Variants in MYOF observed in about 807,000 individuals in gnomAD.
The protein encoded by MYOF is fer-1-like 3, myoferlin.
A neutral mutation model predicts 284.2 loss-of-function variants in MYOF; 244 were observed. The observed-to-expected ratio is 0.86, with a 90% CI of 0.77 to 0.95. The LOEUF is 0.95. MYOF is among the 40% of genes least tolerant of loss of function. The pLI is 0.00. For synonymous variants in MYOF, 904 were observed against 919.7 expected (o/e 0.98, Z 0.31); for missense variants, 2,496 against 2,560.6 (o/e 0.97, Z 0.54).
At chr10:93,333,629 A>T in intron 42 of MYOF, 129 bp downstream of exon 42, 2 of 1,267,526 alleles carry the variant, frequency 1.6e-6, no homozygotes, top group Non-Finnish European at 2.2e-6. Context: ...TCCTGAATAC[A>T]TTGTTTTGAT....
At chr10:93,329,580 G>A in intron 44 of MYOF, 84 bp downstream of exon 44, 4 of 1,406,764 alleles carry the variant, frequency 2.8e-6, no homozygotes, top group African/African-American at 1.4e-5. Flanking sequence ...AGTGAAGGAA[G>A]GCACTAAGGT....
At chr10:93,414,396 A>G (rs950165509) in intron 5 of MYOF, among the ~76,000 whole-genome samples, 1 of 151,942 alleles carries the variant, frequency 6.6e-6, no homozygotes, top group Non-Finnish European at 1.5e-5. Flanking sequence ...AAAATTAGCC[A>G]GGTGTGGTGG....
intron 4 of MYOF, among the ~76,000 whole-genome samples, chr10:93,429,317 A>G (rs1564711646): frequency 1.3e-5 from 2 of 152,142 alleles, no homozygotes; most frequent in Non-Finnish European, 2.9e-5. Context: ...TATCGGTGCC[A>G]TGCTTGTACA....
intron 7 of MYOF, among the ~76,000 whole-genome samples, chr10:93,407,626 T>C (rs1847673728): frequency 6.7e-6 from 1 of 148,990 alleles, no homozygotes; most frequent in Admixed American, 6.7e-5. Context: ...TAGTCCCAGC[T>C]ACTCGGGAGG....
intron 41 of MYOF, among the ~76,000 whole-genome samples, chr10:93,334,630 G>A (rs1192795569): frequency 6.6e-6 from 1 of 152,188 alleles, no homozygotes; most frequent in African/African-American, 2.4e-5. Flanking sequence ...GAGCCAACAA[G>A]ACCTGCTGGA....
intron 1 of MYOF, among the ~76,000 whole-genome samples, chr10:93,473,906 G>C (rs940391): frequency 0.97 from 147,380 of 152,250 alleles, 71,514 homozygotes; most frequent in East Asian, 1. Context: ...TTCTGTTTTT[G>C]TTCGATCTCT....
At chr10:93,418,689 C>G (rs1275537765) in intron 5 of MYOF, among the ~76,000 whole-genome samples, 1 of 152,218 alleles carries the variant, frequency 6.6e-6, no homozygotes, top group East Asian at 1.9e-4. Flanking sequence ...CTGCCTGCAT[C>G]AGGCTCTCCA....
chr10:93,339,988 A>C (rs1843818416), intron 39 of MYOF, among the ~76,000 whole-genome samples, 165 bp downstream of exon 39: 1 of 152,164 alleles, frequency 6.6e-6, no homozygotes, highest in South Asian at 2.1e-4. Context: ...CTGAGGCAGG[A>C]GAATGGCGTG....
chr10:93,426,257 G>A, intron 4 of MYOF, 99 bp from the exon 5 acceptor site: 1 of 1,212,200 alleles, frequency 8.2e-7, no homozygotes, highest in Non-Finnish European at 1.2e-6. Flanking sequence ...AGTCTTGGAA[G>A]GGGTAAGAGA....
chr10:93,399,560 A>T, intron 12 of MYOF, 65 bp from the exon 13 acceptor site: 1 of 1,155,678 alleles, frequency 8.7e-7, no homozygotes, highest in Non-Finnish European at 1.3e-6. Flanking sequence ...AAAATTTTAA[A>T]AGTTCTCTTA....
chr10:93,366,715 T>C (rs576690913), intron 25 of MYOF, among the ~76,000 whole-genome samples, 160 bp from the exon 26 acceptor site: 1 of 152,354 alleles, frequency 6.6e-6, no homozygotes, highest in African/African-American at 2.4e-5. Context: ...GAGCTATTAC[T>C]GATTATGCAA....
chr10:93,394,023 GA>G (rs1482851746), intron 16 of MYOF, among the ~76,000 whole-genome samples: 7 of 152,164 alleles, frequency 4.6e-5, no homozygotes, highest in Non-Finnish European at 1.0e-4. Context: ...ACTCAGCAGA[GA>G]ACATTCAGAT....
Position 93,325,922 on chromosome 10 carries a change from C to T in MYOF, c.5175G>A (p.Glu1725=). The change falls in exon 46 of 54, where the codon GAG becomes GAA. Residue 1725 remains glutamate, a synonymous_variant. Coordinates refer to ENST00000359263, the MANE Select transcript of MYOF (RefSeq NM_013451.4). The part of the protein sequence containing the change: ...ILHQHLGAPE[E]RLALHILRTQ... Reference sequence around the variant, plus strand: ...TCCTGAGGATGTGAAGAGCAAGCCGCTCTTCAGGGGCCCCGAGGTGCTGGT... The same window carrying T: ...TCCTGAGGATGTGAAGAGCAAGCCGTTCTTCAGGGGCCCCGAGGTGCTGGT... 1 of 1,614,084 alleles carries T rather than the reference C, an allele frequency of 6.2e-7. No homozygotes were observed. Among genetic ancestry groups the T allele is most frequent in the African/African-American group, 1.3e-5 (1 of 75,016 alleles).
At chr10:93,402,722 T>G in intron 10 of MYOF, 138 bp downstream of exon 10, 1 of 721,818 alleles carries the variant, frequency 1.4e-6, no homozygotes, top group Non-Finnish European at 2.2e-6. Context: ...CTCTCCCTCA[T>G]TAAGAAAATA....
intron 53 of MYOF, among the ~76,000 whole-genome samples, 192 bp from the exon 54 acceptor site, chr10:93,307,193 C>CCCCT (rs1554833961): frequency 3.3e-5 from 4 of 120,212 alleles, no homozygotes; most frequent in Admixed American, 3.1e-4. Context: ...GTAGCACCCC[C>CCCCT]CCGCCAAGTT....
intron 2 of MYOF, among the ~76,000 whole-genome samples, chr10:93,456,557 C>A (rs1243474273): frequency 3.9e-5 from 6 of 152,166 alleles, no homozygotes; most frequent in African/African-American, 1.4e-4. Context: ...CTAATCCCAC[C>A]CTTGCTCTGC....
At chr10:93,317,544 C>T (rs983775596) in intron 49 of MYOF, among the ~76,000 whole-genome samples, 4 of 151,914 alleles carry the variant, frequency 2.6e-5, no homozygotes, top group Admixed American at 6.6e-5. Flanking sequence ...GGCTGAGGCA[C>T]GAGAATCACT....
Position 93,388,044 on chromosome 10 carries a change from C to T in MYOF, c.1582-131G>A, listed in dbSNP as rs1024316468. 78 of 694,358 alleles carry T rather than the reference C, an allele frequency of 1.1e-4. 1 individual carries two copies. The East Asian group carries it at 1.8e-3, about 16-fold the overall frequency. 43.0% of individuals were successfully genotyped at this position (694,358 alleles called of 1,614,324 possible). A position where few individuals can be genotyped will look rare whatever the true frequency, so the allele number is the denominator to read the frequency against. ...GCCCTAACCTTCGAAATGAATCAGT[C>T]GGCAACTCTCCCAGCTGGATTCAGG... On this transcript the variant is annotated intron_variant, in intron 18 of 53. Transcript: ENST00000359263.
At chr10:93,309,327 G>A (rs1842279932) in intron 53 of MYOF, among the ~76,000 whole-genome samples, 1 of 152,124 alleles carries the variant, frequency 6.6e-6, no homozygotes, top group South Asian at 2.1e-4. Context: ...TTAATTCCTA[G>A]CCTGTCGTAG....
Sources: gnomAD v4.1 joint callset for allele counts (sites outside exome capture counted in the v4.1 genomes callset) on GRCh38, gnomAD v4.1.1 for gene constraint, MANE v1.5 for transcripts, NCBI Gene and HGNC (gene_info 2026-07-23, HGNC 2026-07-21) for gene names.